Variants in DGKI observed in about 807,000 individuals in gnomAD.
The protein encoded by DGKI is diacylglycerol kinase iota.
DGKI carries 55 observed loss-of-function variants against 147.5 expected under a neutral mutation model. The ratio of observed to expected loss-of-function variants is 0.37; its 90% CI spans 0.30 to 0.47. DGKI has a LOEUF of 0.47. Among genes scored for constraint, DGKI ranks in the 20% least tolerant of loss-of-function variants. The probability of loss-of-function intolerance (pLI) is 1.00; values close to 1 mark genes in which losing one functional copy is unlikely to be tolerated. For synonymous variants in DGKI, 469 were observed against 477.1 expected (o/e 0.98, Z 0.22); for missense variants, 1,007 against 1,323.8 (o/e 0.76, Z 3.71).
chr7:137,731,332 C>A (rs4366029), intron 1 of DGKI, among the ~76,000 whole-genome samples: 15,533 of 152,072 alleles, frequency 0.1, 1,346 homozygotes, highest in African/African-American at 0.24. Flanking sequence ...TCTCCTTCCA[C>A]GTAAACATAA....
chr7:137,709,741 CAAT>C (rs1285790003), intron 1 of DGKI, among the ~76,000 whole-genome samples: 7 of 151,948 alleles, frequency 4.6e-5, no homozygotes, highest in African/African-American at 1.7e-4. Context: ...GAAAAAGAAT[CAAT>C]GAGTATAAGC....
chr7:137,826,624 G>T (rs915581272), intron 1 of DGKI, among the ~76,000 whole-genome samples: 1 of 151,824 alleles, frequency 6.6e-6, no homozygotes, highest in East Asian at 1.9e-4. Flanking sequence ...CTATTAATTT[G>T]TTCAATGATT....
intron 1 of DGKI, chr7:137,772,338 C>T (rs553885249): frequency 3.0e-4 from 46 of 152,260 alleles, no homozygotes; most frequent in Admixed American, 3.0e-3. Flanking sequence ...TTCTGTCTCC[C>T]CAACTAGACT....
In DGKI at chr7:137,541,069, C is replaced by T. The variant is rs189175640; in HGVS notation, c.2147+11300G>A. ...ATGTGTATGGAAAGACAAAGGAACTCAAATAGCCACAACAGTGTTGACAAT... is the reference window on the plus strand; with the variant it reads ...ATGTGTATGGAAAGACAAAGGAACTTAAATAGCCACAACAGTGTTGACAAT... On this transcript the variant is annotated intron_variant, in intron 20 of 32. Transcript: ENST00000614521. Among the ~76,000 whole-genome samples the T allele has an allele frequency of 5.0e-3, 760 of 152,182 alleles. 2 individuals carry two copies. The highest frequency in any genetic ancestry group is 8.9e-3 in the Non-Finnish European group (606 of 68,004).
chr7:137,488,473 A>G (rs1815647160), intron 21 of DGKI, among the ~76,000 whole-genome samples: 1 of 152,170 alleles, frequency 6.6e-6, no homozygotes, highest in African/African-American at 2.4e-5. Context: ...TTCAGATAGA[A>G]TCACAAGAGT....
At chr7:137,549,996 ATT>A (rs943306457) in intron 20 of DGKI, among the ~76,000 whole-genome samples, 2 of 152,126 alleles carry the variant, frequency 1.3e-5, no homozygotes, top group African/African-American at 4.8e-5. Flanking sequence ...ACTAATAAAG[ATT>A]TTTGTTATCT....
At chr7:137,660,805 A>G (rs986170539) in intron 3 of DGKI, among the ~76,000 whole-genome samples, 1 of 151,764 alleles carries the variant, frequency 6.6e-6, no homozygotes, top group African/African-American at 2.4e-5. Context: ...GATGGGAAAG[A>G]TGATGAAAAA....
intron 23 of DGKI, among the ~76,000 whole-genome samples, chr7:137,478,934 T>C (rs867092426): frequency 6.9e-4 from 105 of 152,336 alleles, no homozygotes; most frequent in African/African-American, 2.3e-3. Flanking sequence ...AATATGCGTC[T>C]TTCAAAAGCA....
At chr7:137,423,601 A>G (rs1812665682) in intron 28 of DGKI, among the ~76,000 whole-genome samples, 1 of 152,264 alleles carries the variant, frequency 6.6e-6, no homozygotes, top group African/African-American at 2.4e-5. Flanking sequence ...TCCAGTCATC[A>G]GGATACACAT....
At chr7:137,639,740 C>A (rs376524024) in intron 6 of DGKI, among the ~76,000 whole-genome samples, 1 of 152,094 alleles carries the variant, frequency 6.6e-6, no homozygotes, top group African/African-American at 2.4e-5. Flanking sequence ...AGTGACCACA[C>A]CAAAGACCCA....
At chr7:137,556,096 A>G (rs975923224) in intron 19 of DGKI, among the ~76,000 whole-genome samples, 3 of 152,162 alleles carry the variant, frequency 2.0e-5, no homozygotes, top group African/African-American at 7.2e-5. Flanking sequence ...TAATTTCAGT[A>G]CATTAATTAT....
intron 1 of DGKI, among the ~76,000 whole-genome samples, chr7:137,732,726 C>T (rs1302152759): frequency 6.6e-6 from 1 of 152,030 alleles, no homozygotes; most frequent in Non-Finnish European, 1.5e-5. Context: ...GGTTTCCTTC[C>T]TCCCTTCCCC....
intron 6 of DGKI, among the ~76,000 whole-genome samples, chr7:137,634,633 A>G (rs115203325): frequency 0.015 from 2,225 of 152,286 alleles, 33 homozygotes; most frequent in South Asian, 0.036. Flanking sequence ...ATGCATGAGT[A>G]GGTGGCTCAG....
intron 20 of DGKI, among the ~76,000 whole-genome samples, chr7:137,533,744 A>C (rs1817422622): frequency 6.6e-6 from 1 of 151,932 alleles, no homozygotes; most frequent in African/African-American, 2.4e-5. Context: ...TAAGACTGAA[A>C]GGCTTTGGCC....
At chr7:137,417,450 G>C (rs1731972) in intron 28 of DGKI, among the ~76,000 whole-genome samples, 142,563 of 152,036 alleles carry the variant, frequency 0.94, 67,506 homozygotes, top group East Asian at 1. Context: ...TACCAACACA[G>C]AAAACTGGGA....
Position 137,389,978 on chromosome 7 carries a change from G to A in DGKI, c.*1242C>T, listed in dbSNP as rs1811298643. On this transcript the variant is annotated 3_prime_UTR_variant, in exon 33 of 33. Coordinates refer to ENST00000614521, the MANE Select transcript of DGKI (RefSeq NM_001321708.2). ...CAGGCATCCCATAAATCTGGCAGTG[G>A]AACTCATACAACAAGCCTTTGTTCT... The A allele has an allele frequency of 6.6e-6, 1 of 152,142 alleles. No individual in the cohort carries two copies. Among genetic ancestry groups the A allele is most frequent in the Non-Finnish European group, 1.5e-5 (1 of 68,040 alleles). 9.4% of individuals were successfully genotyped at this position (152,142 alleles called of 1,614,324 possible).
At chr7:137,820,766 C>G (rs1020275513) in intron 1 of DGKI, among the ~76,000 whole-genome samples, 1 of 152,054 alleles carries the variant, frequency 6.6e-6, no homozygotes, top group Non-Finnish European at 1.5e-5. Flanking sequence ...CCAGAAAAGG[C>G]AGCCAAGAAA....
At chr7:137,711,864 T>C (rs1181154667) in intron 1 of DGKI, among the ~76,000 whole-genome samples, 10 of 151,582 alleles carry the variant, frequency 6.6e-5, no homozygotes, top group Non-Finnish European at 1.5e-4. Flanking sequence ...CAGCTAGTTT[T>C]TGTATTTTTA....
chr7:137,472,254 A>ATAATATATGTATATATACAC (rs1814955535), intron 23 of DGKI, among the ~76,000 whole-genome samples: 2 of 111,018 alleles, frequency 1.8e-5, no homozygotes, highest in Non-Finnish European at 3.3e-5. Context: ...ATATACACAT[A>ATAATATATGTATATATACAC]ATATTATATG....
Sources: allele counts gnomAD v4.1 joint callset (sites outside exome capture counted in the v4.1 genomes callset), GRCh38; gene constraint gnomAD v4.1.1; transcripts MANE v1.5; gene names NCBI Gene and HGNC (gene_info 2026-07-23, HGNC 2026-07-21).